The following PPP1R13B variants were observed in gnomAD, a reference collection of about 807,000 sequenced individuals.
PPP1R13B encodes the protein protein phosphatase 1 regulatory subunit 13B.
Under a neutral mutation model 119.8 loss-of-function variants are expected in PPP1R13B, and 44 were observed. The observed-to-expected ratio is 0.37, with a 90% confidence interval of 0.29 to 0.47. The LOEUF is 0.47. Among genes scored for constraint, PPP1R13B ranks in the 20% least tolerant of loss-of-function variants. The pLI, the probability that PPP1R13B is intolerant of heterozygous loss-of-function variation, is 0.99. For missense variants in PPP1R13B, 1,227 were observed against 1,413.5 expected, an observed-to-expected ratio of 0.87 and a Z score of 2.12; for synonymous variants, 542 against 561.5, an observed-to-expected ratio of 0.97 and a Z score of 0.49.
intron 3 of PPP1R13B, among the ~76,000 whole-genome samples, chr14:103,780,745 C>T (rs1273359224): frequency 1.4e-5 from 2 of 147,354 alleles, no homozygotes; most frequent in Non-Finnish European, 3.0e-5. Context: ...ACCCGGGAGG[C>T]GAAGGTTGCA....
chr14:103,733,973 G>A lies in PPP1R13B; in HGVS notation c.*1181C>T, dbSNP rs1396737882. ...ACACACGACTCATACATGAAAAATAGAGCCTAAGGGCCTGTATTTTAATGA... is the reference window on the plus strand; with the variant it reads ...ACACACGACTCATACATGAAAAATAAAGCCTAAGGGCCTGTATTTTAATGA... On this transcript the variant is annotated 3_prime_UTR_variant, in exon 17 of 17. Transcript: ENST00000202556. 6.3e-6 allele frequency: 1 copy of A among 157,964 alleles called. No homozygotes were observed. The highest frequency in any genetic ancestry group is 1.4e-5 in the Non-Finnish European group (1 of 71,024). The allele number at this position is 157,964 out of a possible 1,614,324, so 9.8% of individuals were successfully genotyped here. A position where few individuals can be genotyped will look rare whatever the true frequency, so the allele number is the denominator to read the frequency against.
chr14:103,805,107 G>C (rs2085986552), intron 1 of PPP1R13B, among the ~76,000 whole-genome samples: 1 of 152,114 alleles, frequency 6.6e-6, no homozygotes, highest in Admixed American at 6.6e-5. Context: ...AAAGTGCTGG[G>C]ATTACAGGCG....
intron 4 of PPP1R13B, among the ~76,000 whole-genome samples, chr14:103,768,276 C>G (rs772054633): frequency 3.3e-5 from 5 of 151,184 alleles, no homozygotes; most frequent in Non-Finnish European, 7.4e-5. Flanking sequence ...TCACCACGCC[C>G]AGCTAATTTT....
chr14:103,747,093 T>A (rs1567090187), intron 8 of PPP1R13B: 1 of 152,472 alleles, frequency 6.6e-6, no homozygotes, highest in Non-Finnish European at 1.5e-5. Flanking sequence ...CAGCGCTGCC[T>A]TTCTCAGCCA....
At chr14:103,762,841 A>T (rs1360960978) in intron 4 of PPP1R13B, 1 of 1,019,248 alleles carries the variant, frequency 9.8e-7, no homozygotes, top group Non-Finnish European at 1.5e-6. Flanking sequence ...AATCACCAAA[A>T]GCAGGGAAGA....
chr14:103,791,597 C>A (rs938152557), intron 2 of PPP1R13B, among the ~76,000 whole-genome samples: 1 of 152,120 alleles, frequency 6.6e-6, no homozygotes, highest in Non-Finnish European at 1.5e-5. Context: ...TGGTGGCACA[C>A]GCCTATAATC....
intron 4 of PPP1R13B, among the ~76,000 whole-genome samples, chr14:103,763,675 T>C (rs2179948): frequency 6.6e-6 from 1 of 152,204 alleles, no homozygotes; most frequent in Non-Finnish European, 1.5e-5. Context: ...TATCCTAAAA[T>C]TCACCCATTG....
At chr14:103,778,054 C>T (rs764181621) in intron 4 of PPP1R13B, among the ~76,000 whole-genome samples, 6 of 150,960 alleles carry the variant, frequency 4.0e-5, no homozygotes, top group African/African-American at 1.5e-4. Context: ...TGGGTTCAAG[C>T]GATTCTCCTG....
chr14:103,804,016 A>C, intron 1 of PPP1R13B: 4 of 971,454 alleles, frequency 4.1e-6, no homozygotes, highest in Non-Finnish European at 4.9e-6. Context: ...TCTTGACTAC[A>C]TCCTCTACTG....
chr14:103,816,667 C>T (rs1429350885), intron 1 of PPP1R13B, among the ~76,000 whole-genome samples: 2 of 127,506 alleles, frequency 1.6e-5, no homozygotes, highest in Non-Finnish European at 3.1e-5. Flanking sequence ...AAAACTCAGT[C>T]TCAAAAAAAA....
chr14:103,739,237 T>C, intron 12 of PPP1R13B: 2 of 579,608 alleles, frequency 3.5e-6, no homozygotes, highest in Non-Finnish European at 5.9e-6. Context: ...GTCTGAGGCC[T>C]GAGTCCCTGG....
intron 1 of PPP1R13B, among the ~76,000 whole-genome samples, chr14:103,830,901 A>G (rs2086651579): frequency 6.6e-6 from 1 of 151,034 alleles, no homozygotes. Flanking sequence ...AATGTAAACT[A>G]CCCCACTAAT....
At chr14:103,781,971 A>G (rs1027698614) in intron 3 of PPP1R13B, among the ~76,000 whole-genome samples, 4 of 152,062 alleles carry the variant, frequency 2.6e-5, no homozygotes, top group African/African-American at 9.7e-5. Flanking sequence ...TTAACTGTAC[A>G]GTGTATACGT....
chr14:103,839,761 C>A (rs1445578443), intron 1 of PPP1R13B, among the ~76,000 whole-genome samples: 1 of 152,222 alleles, frequency 6.6e-6, no homozygotes. Flanking sequence ...CACTCTGCTC[C>A]AGCCACACAG....
chr14:103,772,146 T>A (rs1398600324), intron 4 of PPP1R13B, among the ~76,000 whole-genome samples: 1 of 150,778 alleles, frequency 6.6e-6, no homozygotes, highest in Non-Finnish European at 1.5e-5. Flanking sequence ...TTGAGATTCA[T>A]CCATGTTGTA....
intron 2 of PPP1R13B, among the ~76,000 whole-genome samples, chr14:103,792,200 G>GTGTGTT (rs777637825): frequency 1.2e-5 from 1 of 81,548 alleles, no homozygotes; most frequent in South Asian, 3.1e-4. Context: ...GTGTGTGTGT[G>GTGTGTT]TATATTTTTT....
At chr14:103,813,069 T>G (rs745975711) in intron 1 of PPP1R13B, among the ~76,000 whole-genome samples, 21 of 152,152 alleles carry the variant, frequency 1.4e-4, no homozygotes, top group Non-Finnish European at 2.6e-4. Context: ...CCCAAAGGAG[T>G]TGAAAATGTG....
intron 2 of PPP1R13B, among the ~76,000 whole-genome samples, chr14:103,796,302 A>AATAC (rs920519067): frequency 6.6e-6 from 1 of 152,006 alleles, no homozygotes; most frequent in African/African-American, 2.4e-5. Context: ...TAAATAAATA[A>AATAC]ATAGGCAAAG....
chr14:103,776,403 G>A (rs1303124383), intron 4 of PPP1R13B, among the ~76,000 whole-genome samples: 2 of 152,154 alleles, frequency 1.3e-5, no homozygotes, highest in East Asian at 3.8e-4. Context: ...AAGTAGAGAG[G>A]TGAAATAACT....
Sources: allele counts gnomAD v4.1 joint callset (sites outside exome capture counted in the v4.1 genomes callset), GRCh38; gene constraint gnomAD v4.1.1; transcripts MANE v1.5; gene names NCBI Gene and HGNC (gene_info 2026-07-23, HGNC 2026-07-21).